AQR: variants seen among roughly 807,000 people sequenced by gnomAD.
AQR encodes the protein RNA helicase aquarius.
A neutral mutation model predicts 180.5 loss-of-function variants in AQR; 61 were observed. The ratio of observed to expected loss-of-function variants is 0.34; its 90% confidence interval spans 0.28 to 0.42. The LOEUF is 0.42. Ranked by LOEUF, AQR falls within the 10% of genes least tolerant of loss-of-function variation. The pLI is 1.00. For synonymous variants in AQR, 551 were observed against 588.8 expected, an observed-to-expected ratio of 0.94 and a Z score of 0.93; for missense variants, 1,281 against 1,798.3, an observed-to-expected ratio of 0.71 and a Z score of 5.20.
Position 34,967,183 on chromosome 15 carries a change from C to A in AQR, c.75+2356G>T, listed in dbSNP as rs566257326. Among the ~76,000 whole-genome samples the A allele has an allele frequency of 6.8e-4, 101 of 149,418 alleles. 1 individual carries two copies. Among genetic ancestry groups the A allele is most frequent in the African/African-American group, 2.4e-3 (99 of 40,544 alleles). On this transcript the variant is annotated intron_variant, in intron 1 of 34. Coordinates refer to ENST00000156471, the MANE Select transcript of AQR (RefSeq NM_014691.3). ...AATCCCACTGCGAGCCACAAGCCAC[C>A]GCACCCGGCCCACCCTGGCCTTCTT...
At position 34,926,994 on chromosome 15, in the gene AQR, T is replaced by G. The variant is rs374337833; in HGVS notation, c.1118+41A>C. 17 of 1,239,710 alleles carry G rather than the reference T, an allele frequency of 1.4e-5. No homozygotes were observed. The African/African-American group carries it at 2.2e-4, about 16-fold the overall frequency. 76.8% of individuals were successfully genotyped at this position (1,239,710 alleles called of 1,614,324 possible). A position where few individuals can be genotyped will look rare whatever the true frequency, so the allele number is the denominator to read the frequency against. The stretch of plus-strand genomic sequence containing the variant: ...AAAGAAAAGTAAAATTGAGGGAGCA[T>G]GATACAAAAAAAGAATATATAGTTT... On this transcript the variant is annotated intron_variant, in intron 13 of 34. Coordinates refer to ENST00000156471, the MANE Select transcript of AQR (RefSeq NM_014691.3).
At chr15:34,958,004 C>G (rs1894350165) in intron 3 of AQR, among the ~76,000 whole-genome samples, 1 of 151,072 alleles carries the variant, frequency 6.6e-6, no homozygotes, top group Non-Finnish European at 1.5e-5. Context: ...GTCGGGAGAT[C>G]GAGACCATCC....
At chr15:34,967,547 A>C (rs1477090767) in intron 1 of AQR, among the ~76,000 whole-genome samples, 1 of 152,190 alleles carries the variant, frequency 6.6e-6, no homozygotes, top group Non-Finnish European at 1.5e-5. Context: ...GCCTCTCTAA[A>C]GTAGTGTAGA....
intron 9 of AQR, among the ~76,000 whole-genome samples, chr15:34,935,807 TAC>T (rs771974729): frequency 1.1e-4 from 16 of 152,198 alleles, no homozygotes; most frequent in Non-Finnish European, 2.1e-4. Flanking sequence ...GACATACATA[TAC>T]AGTCATTTAA....
intron 13 of AQR, among the ~76,000 whole-genome samples, chr15:34,925,642 A>G (rs1893749532): frequency 6.6e-6 from 1 of 152,080 alleles, no homozygotes; most frequent in Non-Finnish European, 1.5e-5. Context: ...GTTTGAGACC[A>G]GCCTGGCCAA....
intron 13 of AQR, among the ~76,000 whole-genome samples, chr15:34,924,888 C>T (rs529488698): frequency 3.4e-4 from 49 of 143,534 alleles, no homozygotes; most frequent in Admixed American, 2.3e-3. Flanking sequence ...AAAATAAATA[C>T]CCCAGATGAA....
intron 20 of AQR, among the ~76,000 whole-genome samples, chr15:34,898,950 G>A (rs1297035783): frequency 1.3e-5 from 2 of 151,094 alleles, no homozygotes; most frequent in African/African-American, 2.4e-5. Context: ...GGTGGATCAC[G>A]AGGTCAGCAG....
At chr15:34,932,261 G>C in intron 11 of AQR, 57 bp downstream of exon 11, 1 of 1,456,274 alleles carries the variant, frequency 6.9e-7, no homozygotes, top group Non-Finnish European at 9.6e-7. Context: ...GTGTGGCAAA[G>C]AAAAGATCAA....
intron 18 of AQR, among the ~76,000 whole-genome samples, chr15:34,905,930 G>A (rs1345856354): frequency 2.0e-5 from 3 of 152,004 alleles, no homozygotes; most frequent in African/African-American, 7.3e-5. Context: ...CCAGCTACTG[G>A]GGTGGCTGAG....
chr15:34,891,387 T>C (rs576943880), intron 23 of AQR, among the ~76,000 whole-genome samples: 1 of 152,336 alleles, frequency 6.6e-6, no homozygotes, highest in Admixed American at 6.5e-5. Context: ...ATGATTTCAT[T>C]GTGAATTACA....
chr15:34,874,187 G>A, intron 29 of AQR, 188 bp from the exon 30 acceptor site: 1 of 492,464 alleles, frequency 2.0e-6, no homozygotes, highest in Admixed American at 3.9e-5. Flanking sequence ...AGGGTCAGAA[G>A]ACTGAAGGTA....
chr15:34,926,372 G>A lies in AQR; in HGVS notation c.1118+663C>T, dbSNP rs1418428762. Among the ~76,000 whole-genome samples the A allele has an allele frequency of 2.0e-5, 3 of 152,124 alleles. No homozygotes were observed. The East Asian group carries it at 5.8e-4, about 29-fold the overall frequency. On this transcript the variant is annotated intron_variant, in intron 13 of 34. Coordinates refer to ENST00000156471, the MANE Select transcript of AQR (RefSeq NM_014691.3). ...AAACATAATTTATCCCAAGAGCTGG[G>A]AGATGATACAGTATAGTAGTTAAAA... is the stretch of plus-strand genomic sequence containing the variant.
At chr15:34,897,436 AG>A (rs1893263865) in intron 21 of AQR, 122 bp downstream of exon 21, 2 of 1,100,668 alleles carry the variant, frequency 1.8e-6, no homozygotes, top group Non-Finnish European at 2.6e-6. Context: ...AGAAAGAAAG[AG>A]GGTTCAGAAA....
Position 34,902,297 on chromosome 15 carries a change from C to T in AQR, c.2002-1434G>A, listed in dbSNP as rs576700435. On this transcript the variant is annotated intron_variant, in intron 19 of 34. Coordinates refer to ENST00000156471, the MANE Select transcript of AQR (RefSeq NM_014691.3). The stretch of plus-strand genomic sequence containing the variant: ...GTAGACAAAGAGGAGGCTACTATAA[C>T]TGTCTAGGCAAAAAATAAAGTATCC... Among the ~76,000 whole-genome samples the T allele has an allele frequency of 1.2e-4, 18 of 152,192 alleles. No individual in the cohort carries two copies. In the South Asian group the frequency reaches 3.7e-3, roughly 32 times the overall value.
intron 12 of AQR, among the ~76,000 whole-genome samples, chr15:34,929,764 TTA>T (rs1483619836): frequency 6.6e-5 from 10 of 152,320 alleles, no homozygotes; most frequent in Admixed American, 6.5e-4. Flanking sequence ...AATAGCTGGA[TTA>T]CCTTAAACTG....
intron 7 of AQR, among the ~76,000 whole-genome samples, chr15:34,941,442 G>A (rs1595804964): frequency 6.6e-6 from 1 of 152,146 alleles, no homozygotes; most frequent in Admixed American, 6.6e-5. Flanking sequence ...TTATTTATAC[G>A]TGCCTTATGT....
At chr15:34,950,241 C>T (rs920625324) in intron 4 of AQR, among the ~76,000 whole-genome samples, 2 of 151,998 alleles carry the variant, frequency 1.3e-5, no homozygotes, top group African/African-American at 2.4e-5. Context: ...AGGCATGTGC[C>T]ACCACACCCA....
intron 18 of AQR, 36 bp from the exon 19 acceptor site, chr15:34,904,541 G>A (rs1240926803): frequency 6.5e-7 from 1 of 1,547,926 alleles, no homozygotes; most frequent in Non-Finnish European, 8.8e-7. Context: ...AATAAAATAT[G>A]TATTTTTCAA....
At chr15:34,921,433 C>CAAA (rs71119990) in intron 13 of AQR, among the ~76,000 whole-genome samples, 1 of 74,904 alleles carries the variant, frequency 1.3e-5, no homozygotes, top group African/African-American at 4.4e-5. Flanking sequence ...GACTCCATCT[C>CAAA]AAAAAAAAAA....
Sources: allele counts gnomAD v4.1 joint callset (sites outside exome capture counted in the v4.1 genomes callset), GRCh38; gene constraint gnomAD v4.1.1; transcripts MANE v1.5; gene names NCBI Gene and HGNC (gene_info 2026-07-23, HGNC 2026-07-21).